LRBA: variants seen among roughly 807,000 people sequenced by gnomAD.
LRBA encodes lipopolysaccharide-responsive and beige-like anchor protein.
Under a neutral mutation model 330.0 loss-of-function variants are expected in LRBA, and 176 were observed. The ratio of observed to expected loss-of-function variants is 0.53; its 90% CI spans 0.47 to 0.60. The LOEUF is 0.60. LRBA is among the 20% of genes least tolerant of loss of function. LRBA has a pLI of 0.00. For synonymous variants in LRBA, 1,230 were observed against 1,193.0 expected (o/e 1.03, Z -0.64); for missense variants, 3,259 against 3,444.8 (o/e 0.95, Z 1.35).
At chr4:150,402,898 C>T (rs1294255941) in intron 47 of LRBA, among the ~76,000 whole-genome samples, 1 of 151,660 alleles carries the variant, frequency 6.6e-6, no homozygotes, top group Non-Finnish European at 1.5e-5. Context: ...TGTGGCAATC[C>T]TCTTCTTCCT....
chr4:150,609,220 T>C (rs989115719), intron 37 of LRBA, among the ~76,000 whole-genome samples: 10 of 152,220 alleles, frequency 6.6e-5, no homozygotes, highest in Non-Finnish European at 1.3e-4. Flanking sequence ...TCAGCAGCGA[T>C]TGGTTCAGGA....
intron 40 of LRBA, among the ~76,000 whole-genome samples, chr4:150,526,954 T>C (rs1763540358): frequency 6.6e-6 from 1 of 151,968 alleles, no homozygotes. Flanking sequence ...CACAATTCGT[T>C]GATACGCTTT....
At chr4:150,578,991 T>C in intron 40 of LRBA, 2 of 304,122 alleles carry the variant, frequency 6.6e-6, no homozygotes, top group South Asian at 6.0e-5. Flanking sequence ...TCAAGGACCA[T>C]CAGATTTCGC....
chr4:150,662,541 G>T lies in LRBA; in HGVS notation c.5921+21010C>A, dbSNP rs550750630. The stretch of plus-strand genomic sequence containing the variant: ...TCCTACATTCCAATATGTAGACAAG[G>T]TTAAGAACTACTGCTGTATGGTATA... On this transcript the variant is annotated intron_variant, in intron 37 of 56. Transcript: ENST00000651943. Among the ~76,000 whole-genome samples the T allele has an allele frequency of 3.3e-5, 5 of 152,342 alleles. No homozygotes were observed. In the South Asian group the frequency reaches 1.0e-3, roughly 32 times the overall value.
intron 14 of LRBA, among the ~76,000 whole-genome samples, chr4:150,898,756 G>A (rs528930442): frequency 5.9e-5 from 9 of 152,040 alleles, no homozygotes; most frequent in Middle Eastern, 3.4e-3. Flanking sequence ...AAAGGCAGGC[G>A]AGAATACAAA....
chr4:150,341,713 T>C (rs1414130800), intron 48 of LRBA, among the ~76,000 whole-genome samples: 1 of 151,118 alleles, frequency 6.6e-6, no homozygotes, highest in East Asian at 1.9e-4. Context: ...ATATATATAA[T>C]ATATATATAT....
At chr4:150,655,114 G>T (rs1187490450) in intron 37 of LRBA, among the ~76,000 whole-genome samples, 1 of 152,148 alleles carries the variant, frequency 6.6e-6, no homozygotes, top group African/African-American at 2.4e-5. Flanking sequence ...CTGAGGAATT[G>T]CCACACTGAC....
At chr4:150,473,452 G>A (rs781221596) in intron 42 of LRBA, among the ~76,000 whole-genome samples, 1 of 152,180 alleles carries the variant, frequency 6.6e-6, no homozygotes, top group East Asian at 1.9e-4. Context: ...AGAGAGATTA[G>A]TACTTGAACC....
Position 150,706,684 on chromosome 4 carries a change from A to ATT in LRBA, c.5755-22968_5755-22967insAA, listed in dbSNP as rs1343488235. On this transcript the variant is annotated intron_variant, in intron 36 of 56. Coordinates refer to ENST00000651943, the MANE Select transcript of LRBA (RefSeq NM_001364905.1). Reference sequence around the variant, plus strand: ...AAACAAATTGGTAAAAAGAAAGAAAAAATTCTAACATATATCACAGAGTTG... The same window carrying ATT: ...AAACAAATTGGTAAAAAGAAAGAAAATTAATTCTAACATATATCACAGAGTTG... 5.6e-3 allele frequency among the ~76,000 whole-genome samples: 853 copies of ATT among 151,784 alleles called. 5 individuals are homozygous for ATT. Among genetic ancestry groups the ATT allele is most frequent in the African/African-American group, 0.019 (801 of 41,520 alleles).
chr4:150,921,874 C>T (rs546115020), intron 4 of LRBA, among the ~76,000 whole-genome samples: 6 of 152,086 alleles, frequency 3.9e-5, no homozygotes, highest in African/African-American at 1.2e-4. Flanking sequence ...TACAGGTGCA[C>T]GCCACCACAC....
At chr4:150,815,268 T>A (rs1025450762) in intron 31 of LRBA, among the ~76,000 whole-genome samples, 2 of 151,780 alleles carry the variant, frequency 1.3e-5, no homozygotes, top group Admixed American at 6.6e-5. Context: ...ATTCTTTTTT[T>A]TTAAAGGACT....
chr4:150,272,717 G>C (rs1746284019), intron 56 of LRBA, among the ~76,000 whole-genome samples: 1 of 151,716 alleles, frequency 6.6e-6, no homozygotes, highest in African/African-American at 2.4e-5. Context: ...GGATATCAGA[G>C]ATTGAAGATC....
Position 150,852,220 on chromosome 4 carries a change from C to T in LRBA, c.3490G>A (p.Glu1164Lys), listed in dbSNP as rs752867706. The change falls in exon 23 of 57, where the codon GAA (glutamate) becomes AAA (lysine). Residue 1164 changes from glutamate (E) to lysine (K), a missense_variant. Coordinates refer to ENST00000651943, the MANE Select transcript of LRBA (RefSeq NM_001364905.1). ...TGAGTTTCAGTATCAGTTTGCTTTT[C>T]AGTAACAGGTTTTCCTTCTTGAAAT... ...LIFQEGKPVT[E>K]KQTDTETQDS... 6.2e-7 allele frequency: 1 copy of T among 1,614,108 alleles called. No individual in the cohort carries two copies. The highest frequency in any genetic ancestry group is 1.1e-5 in the South Asian group (1 of 91,078).
chr4:150,267,432 AAAAC>A (rs139384150), intron 56 of LRBA, among the ~76,000 whole-genome samples: 39,311 of 151,524 alleles, frequency 0.26, 5,267 homozygotes, highest in Non-Finnish European at 0.3. Context: ...TGAGTCAAAA[AAAAC>A]AAACAACAAC....
chr4:150,744,745 TA>T (rs1291675262), intron 35 of LRBA, among the ~76,000 whole-genome samples: 1 of 152,250 alleles, frequency 6.6e-6, no homozygotes, highest in African/African-American at 2.4e-5. Flanking sequence ...GGACACACCC[TA>T]ATGTGACCTC....
At chr4:150,520,678 C>T (rs755276580) in intron 40 of LRBA, among the ~76,000 whole-genome samples, 25 of 152,228 alleles carry the variant, frequency 1.6e-4, no homozygotes, top group Non-Finnish European at 2.9e-4. Context: ...AGCAAACTAA[C>T]GCAGAAACAG....
At chr4:150,344,057 G>C (rs574897848) in intron 48 of LRBA, among the ~76,000 whole-genome samples, 3 of 152,210 alleles carry the variant, frequency 2.0e-5, no homozygotes, top group African/African-American at 7.2e-5. Flanking sequence ...CACAGAGCTT[G>C]ATAGTGTATT....
chr4:150,927,806 A>G (rs1297871059), intron 4 of LRBA, among the ~76,000 whole-genome samples: 1 of 152,194 alleles, frequency 6.6e-6, no homozygotes, highest in Admixed American at 6.5e-5. Context: ...TGAGAGAAAT[A>G]TGCTAAAGAA....
chr4:150,540,219 G>GTGT (rs199996274), intron 40 of LRBA, among the ~76,000 whole-genome samples: 6 of 152,096 alleles, frequency 3.9e-5, no homozygotes, highest in South Asian at 2.1e-4. Context: ...GTTTTTATGG[G>GTGT]TGTTGTTGTT....
Sources: gnomAD v4.1 joint callset for allele counts (sites outside exome capture counted in the v4.1 genomes callset) on GRCh38, gnomAD v4.1.1 for gene constraint, MANE v1.5 for transcripts, NCBI Gene and HGNC (gene_info 2026-07-23, HGNC 2026-07-21) for gene names.